CFAP299: variants seen among roughly 807,000 people sequenced by gnomAD.
The protein encoded by CFAP299 is cilia- and flagella-associated protein 299.
CFAP299 carries 21 observed loss-of-function variants against 27.0 expected under a neutral mutation model. That is an observed-to-expected ratio of 0.78 (90% CI 0.55 to 1.12). CFAP299 has a LOEUF of 1.12. CFAP299 is among the 50% of genes most tolerant of loss of function. The pLI, the probability that CFAP299 is intolerant of heterozygous loss-of-function variation, is 0.00. For missense variants in CFAP299, 310 were observed against 276.6 expected (o/e 1.12, Z -0.86); for synonymous variants, 104 against 98.1 (o/e 1.06, Z -0.36).
At chr4:80,661,701 A>G (rs892283946) in intron 3 of CFAP299, among the ~76,000 whole-genome samples, 5 of 152,172 alleles carry the variant, frequency 3.3e-5, no homozygotes, top group African/African-American at 1.2e-4. Context: ...AAAGAACAGG[A>G]CAACAGCAAT....
At chr4:80,667,929 A>C (rs967717985) in intron 3 of CFAP299, among the ~76,000 whole-genome samples, 1 of 151,744 alleles carries the variant, frequency 6.6e-6, no homozygotes, top group Non-Finnish European at 1.5e-5. Flanking sequence ...ATTAATTTAC[A>C]CTCCCACCAA....
At chr4:80,425,811 C>G (rs569307208) in intron 2 of CFAP299, among the ~76,000 whole-genome samples, 1 of 152,250 alleles carries the variant, frequency 6.6e-6, no homozygotes, top group Admixed American at 6.5e-5. Context: ...GCCAATTAAG[C>G]CACCGAACAG....
intron 3 of CFAP299, among the ~76,000 whole-genome samples, chr4:80,695,158 A>G (rs1392520411): frequency 6.6e-6 from 1 of 152,210 alleles, no homozygotes; most frequent in Non-Finnish European, 1.5e-5. Flanking sequence ...TTCTATATTA[A>G]GTCCACATCT....
At chr4:80,477,272 C>T (rs1246798609) in intron 2 of CFAP299, among the ~76,000 whole-genome samples, 1 of 152,056 alleles carries the variant, frequency 6.6e-6, no homozygotes, top group Non-Finnish European at 1.5e-5. Context: ...ATGTTGCCTA[C>T]ACTGGTCTTG....
At chr4:80,388,557 G>T (rs1470616681) in intron 2 of CFAP299, 23 of 1,433,846 alleles carry the variant, frequency 1.6e-5, no homozygotes, top group African/African-American at 2.9e-5. Flanking sequence ...TTCCCACAGA[G>T]AAAGACATCC....
intron 3 of CFAP299, among the ~76,000 whole-genome samples, chr4:80,667,755 C>T (rs1741215264): frequency 6.6e-6 from 1 of 152,024 alleles, no homozygotes; most frequent in African/African-American, 2.4e-5. Flanking sequence ...TATATTTTGG[C>T]TGTTGTGAAT....
chr4:80,885,538 G>A (rs184033787), intron 4 of CFAP299, among the ~76,000 whole-genome samples: 1 of 152,254 alleles, frequency 6.6e-6, no homozygotes, highest in Admixed American at 6.5e-5. Context: ...CAGTCACAGT[G>A]GGATAGGGAA....
At chr4:80,946,125 A>G (rs1560487939) in intron 5 of CFAP299, among the ~76,000 whole-genome samples, 1 of 151,796 alleles carries the variant, frequency 6.6e-6, no homozygotes, top group African/African-American at 2.4e-5. Context: ...CTAAATAACC[A>G]TGTCTTTAAA....
chr4:80,448,986 G>A (rs1033649841), intron 2 of CFAP299, among the ~76,000 whole-genome samples: 2 of 152,116 alleles, frequency 1.3e-5, no homozygotes, highest in Admixed American at 1.3e-4. Flanking sequence ...AAAGCATCAG[G>A]CAAAGTAGTT....
chr4:80,631,869 C>A (rs201978331), intron 3 of CFAP299, among the ~76,000 whole-genome samples: 4 of 113,184 alleles, frequency 3.5e-5, no homozygotes, highest in African/African-American at 5.7e-5. Flanking sequence ...GCCCCACCCC[C>A]CCCCAACCAA....
chr4:80,733,455 G>A lies in CFAP299; in HGVS notation c.334-136538G>A, dbSNP rs10010032. Among the ~76,000 whole-genome samples, 1,145 of 151,980 alleles carry A rather than the reference G, an allele frequency of 7.5e-3. 5 individuals are homozygous for A. The highest frequency in any genetic ancestry group is 0.021 in the Middle Eastern group (6 of 292). ...TCCCCTCAAGCATTTATCCTTTGTC[G>A]TACAAACAATCCAATTCTACTCTTT... is the stretch of plus-strand genomic sequence containing the variant. On this transcript the variant is annotated intron_variant, in intron 3 of 5. Transcript: ENST00000358105.
intron 3 of CFAP299, among the ~76,000 whole-genome samples, chr4:80,727,141 C>T (rs967436464): frequency 2.6e-5 from 4 of 151,888 alleles, no homozygotes; most frequent in Admixed American, 6.6e-5. Flanking sequence ...TATGAAAGAA[C>T]GTCTATGTAT....
chr4:80,715,310 C>T (rs777020373), intron 3 of CFAP299, among the ~76,000 whole-genome samples: 6 of 152,016 alleles, frequency 3.9e-5, no homozygotes, highest in Non-Finnish European at 8.8e-5. Flanking sequence ...TATAACCCAA[C>T]CTTGTTTAAG....
At chr4:80,885,189 A>G (rs546372383) in intron 4 of CFAP299, among the ~76,000 whole-genome samples, 44 of 152,296 alleles carry the variant, frequency 2.9e-4, no homozygotes, top group African/African-American at 1.0e-3. Flanking sequence ...CCAGATGGCA[A>G]TTGCCCATCC....
At chr4:80,702,670 T>C (rs1451725876) in intron 3 of CFAP299, among the ~76,000 whole-genome samples, 1 of 151,932 alleles carries the variant, frequency 6.6e-6, no homozygotes, top group Non-Finnish European at 1.5e-5. Context: ...TAAAAGAATG[T>C]GTCTCTGCAA....
intron 2 of CFAP299, among the ~76,000 whole-genome samples, chr4:80,579,539 G>A (rs1045185042): frequency 8.6e-5 from 13 of 151,992 alleles, no homozygotes; most frequent in African/African-American, 2.7e-4. Context: ...TGAAAACCTC[G>A]GCCATTAGCA....
At chr4:80,619,888 T>C (rs1206733198) in intron 3 of CFAP299, among the ~76,000 whole-genome samples, 1 of 152,146 alleles carries the variant, frequency 6.6e-6, no homozygotes, top group Non-Finnish European at 1.5e-5. Context: ...ATTTTGACTG[T>C]TTATTTTCCC....
chr4:80,565,305 G>A (rs114269191), intron 2 of CFAP299, among the ~76,000 whole-genome samples: 1,539 of 152,062 alleles, frequency 0.01, 23 homozygotes, highest in African/African-American at 0.036. Context: ...ACCTAAAAAA[G>A]GAGTGAAATG....
At chr4:80,460,548 C>G (rs1195749284) in intron 2 of CFAP299, among the ~76,000 whole-genome samples, 1 of 152,056 alleles carries the variant, frequency 6.6e-6, no homozygotes, top group African/African-American at 2.4e-5. Flanking sequence ...TGAAGATGGC[C>G]AAAACTTCAC....
Sources: gnomAD v4.1 joint callset for allele counts (sites outside exome capture counted in the v4.1 genomes callset) on GRCh38, gnomAD v4.1.1 for gene constraint, MANE v1.5 for transcripts, NCBI Gene and HGNC (gene_info 2026-07-23, HGNC 2026-07-21) for gene names.